Variants in LDLRAD4 observed in about 807,000 individuals in gnomAD.
LDLRAD4 encodes the protein low density lipoprotein receptor class A domain containing 4.
A neutral mutation model predicts 17.0 loss-of-function variants in LDLRAD4; 5 were observed. The ratio of observed to expected loss-of-function variants is 0.29; its 90% CI spans 0.15 to 0.62. LDLRAD4 has a LOEUF of 0.62. LDLRAD4 is among the 20% of genes least tolerant of loss of function. The probability of loss-of-function intolerance (pLI) is 0.84; values close to 1 mark genes in which losing one functional copy is unlikely to be tolerated. For synonymous variants in LDLRAD4, 168 were observed against 171.8 expected, an observed-to-expected ratio of 0.98 and a Z score of 0.17; for missense variants, 340 against 424.7, an observed-to-expected ratio of 0.80 and a Z score of 1.75.
At chr18:13,476,496 C>T (rs1285255791) in intron 3 of LDLRAD4, among the ~76,000 whole-genome samples, 1 of 151,950 alleles carries the variant, frequency 6.6e-6, no homozygotes, top group Non-Finnish European at 1.5e-5. Context: ...TGGTGGTGTG[C>T]ACCTGTAGTT....
chr18:13,301,186 C>G (rs548099837), intron 1 of LDLRAD4, among the ~76,000 whole-genome samples: 1 of 152,278 alleles, frequency 6.6e-6, no homozygotes, highest in South Asian at 2.1e-4. Context: ...GTACCTTTAG[C>G]GTGCTGGAGA....
intron 3 of LDLRAD4, among the ~76,000 whole-genome samples, chr18:13,458,441 G>T (rs1214533730): frequency 6.6e-6 from 1 of 152,218 alleles, no homozygotes; most frequent in African/African-American, 2.4e-5. Flanking sequence ...GTGAGCCAGG[G>T]CCAGGTTGAA....
At chr18:13,270,602 TGCG>T (rs1338888037) in intron 1 of LDLRAD4, among the ~76,000 whole-genome samples, 4 of 152,224 alleles carry the variant, frequency 2.6e-5, no homozygotes, top group African/African-American at 9.6e-5. Context: ...GCAAAGTTTA[TGCG>T]TAGATGATAC....
At chr18:13,351,906 T>C (rs1215450771) in intron 1 of LDLRAD4, among the ~76,000 whole-genome samples, 1 of 152,194 alleles carries the variant, frequency 6.6e-6, no homozygotes, top group African/African-American at 2.4e-5. Flanking sequence ...ATCAAAAAGC[T>C]TATCCACCAT....
chr18:13,233,394 G>C (rs1260965558), intron 1 of LDLRAD4, among the ~76,000 whole-genome samples: 1 of 152,210 alleles, frequency 6.6e-6, no homozygotes, highest in Non-Finnish European at 1.5e-5. Context: ...AGCCCAGTAA[G>C]AGGCGGGACA....
At chr18:13,485,502 G>A (rs990050774) in intron 3 of LDLRAD4, among the ~76,000 whole-genome samples, 4 of 152,196 alleles carry the variant, frequency 2.6e-5, no homozygotes, top group African/African-American at 4.8e-5. Flanking sequence ...TCCATGGTAC[G>A]GCATGACAGT....
chr18:13,391,898 G>T (rs1418594400), intron 2 of LDLRAD4, among the ~76,000 whole-genome samples: 1 of 152,120 alleles, frequency 6.6e-6, no homozygotes, highest in Non-Finnish European at 1.5e-5. Context: ...ATATTTTCAT[G>T]TACATGTACT....
intron 1 of LDLRAD4, among the ~76,000 whole-genome samples, chr18:13,311,076 T>C (rs1309406017): frequency 6.6e-6 from 1 of 152,204 alleles, no homozygotes; most frequent in African/African-American, 2.4e-5. Flanking sequence ...AAAAACTCTA[T>C]TGTTGGGGAA....
At chr18:13,364,647 A>G (rs765451534) in intron 1 of LDLRAD4, among the ~76,000 whole-genome samples, 35 of 152,166 alleles carry the variant, frequency 2.3e-4, no homozygotes, top group Non-Finnish European at 7.4e-5. Context: ...CAGCTCTATT[A>G]TTTGATTTTT....
chr18:13,327,637 CA>C (rs1386952680), intron 1 of LDLRAD4, among the ~76,000 whole-genome samples: 1 of 151,542 alleles, frequency 6.6e-6, no homozygotes, highest in Non-Finnish European at 1.5e-5. Flanking sequence ...GATGGCCTAG[CA>C]GGATGAAACA....
At chr18:13,240,160 G>A (rs1216665312) in intron 1 of LDLRAD4, 1 of 152,276 alleles carries the variant, frequency 6.6e-6, no homozygotes, top group African/African-American at 2.4e-5. Context: ...GACCTACTTC[G>A]GTGATGGAGA....
At chr18:13,536,816 G>C (rs2094206892) in intron 3 of LDLRAD4, among the ~76,000 whole-genome samples, 1 of 151,962 alleles carries the variant, frequency 6.6e-6, no homozygotes, top group African/African-American at 2.4e-5. Flanking sequence ...TACTTTGCTG[G>C]TAGTTTTTAC....
At chr18:13,370,345 T>G (rs913729850) in intron 1 of LDLRAD4, among the ~76,000 whole-genome samples, 2 of 152,216 alleles carry the variant, frequency 1.3e-5, no homozygotes, top group African/African-American at 2.4e-5. Context: ...GAGTCCAGGG[T>G]CCGGAGGTGG....
At chr18:13,268,958 C>T (rs1378877432) in intron 1 of LDLRAD4, among the ~76,000 whole-genome samples, 2 of 152,196 alleles carry the variant, frequency 1.3e-5, no homozygotes, top group East Asian at 1.9e-4. Flanking sequence ...ACCCTGCATT[C>T]TGAATAAATT....
At chr18:13,642,408 C>T (rs887175368) in intron 4 of LDLRAD4, 21 of 1,110,350 alleles carry the variant, frequency 1.9e-5, no homozygotes, top group Non-Finnish European at 2.3e-5. Flanking sequence ...CTTTTTTTCC[C>T]AGCACGCGTG....
intron 3 of LDLRAD4, among the ~76,000 whole-genome samples, chr18:13,565,750 C>T (rs1427171255): frequency 1.3e-5 from 2 of 152,234 alleles, no homozygotes; most frequent in African/African-American, 4.8e-5. Flanking sequence ...TGTACCTGCA[C>T]CTCACTTTGT....
chr18:13,259,101 G>T (rs139481991), intron 1 of LDLRAD4, among the ~76,000 whole-genome samples: 40 of 152,332 alleles, frequency 2.6e-4, no homozygotes, highest in Non-Finnish European at 2.2e-4. Flanking sequence ...CAGAGCACTT[G>T]TGCAAGTTCA....
chr18:13,554,544 C>G (rs1000065067), intron 3 of LDLRAD4, among the ~76,000 whole-genome samples: 1 of 151,896 alleles, frequency 6.6e-6, no homozygotes, highest in African/African-American at 2.4e-5. Flanking sequence ...AGCATCTACC[C>G]CTGGCTCTCC....
chr18:13,555,640 G>C (rs536867828), intron 3 of LDLRAD4, among the ~76,000 whole-genome samples: 1 of 152,202 alleles, frequency 6.6e-6, no homozygotes, highest in Non-Finnish European at 1.5e-5. Flanking sequence ...CTACCCTAGG[G>C]TGCAAAGCAA....
Sources: gnomAD v4.1 joint callset for allele counts (sites outside exome capture counted in the v4.1 genomes callset) on GRCh38, gnomAD v4.1.1 for gene constraint, MANE v1.5 for transcripts, NCBI Gene and HGNC (gene_info 2026-07-23, HGNC 2026-07-21) for gene names.